GRB2: variants seen among roughly 807,000 people sequenced by gnomAD.
GRB2 encodes growth factor receptor-bound protein 2.
Under a neutral mutation model 27.4 loss-of-function variants are expected in GRB2, and 2 were observed. The observed-to-expected ratio is 0.07, with a 90% CI of 0.03 to 0.23. The LOEUF (loss-of-function observed/expected upper bound fraction) is 0.23. Among genes scored for constraint, GRB2 ranks in the 10% least tolerant of loss-of-function variants. GRB2 has a pLI of 1.00. For synonymous variants in GRB2, 94 were observed against 99.6 expected (o/e 0.94, Z 0.33); for missense variants, 102 against 282.4 (o/e 0.36, Z 4.58).
chr17:75,358,656 A>G, intron 2 of GRB2, among the ~76,000 whole-genome samples: 1 of 132,156 alleles, frequency 7.6e-6, no homozygotes, highest in Non-Finnish European at 1.6e-5. Context: ...CGAGGTCAGG[A>G]GATCAAGACC....
intron 2 of GRB2, among the ~76,000 whole-genome samples, chr17:75,350,578 G>A (rs191242098): frequency 3.3e-5 from 5 of 152,260 alleles, no homozygotes; most frequent in East Asian, 1.9e-4. Context: ...TGCAAGCTCC[G>A]CCTCCTGGGT....
At chr17:75,354,774 G>A (rs562140437) in intron 2 of GRB2, among the ~76,000 whole-genome samples, 7 of 152,224 alleles carry the variant, frequency 4.6e-5, no homozygotes, top group Admixed American at 2.0e-4. Context: ...AAGACACTAC[G>A]AAATGTTTTT....
intron 2 of GRB2, 135 bp downstream of exon 2, chr17:75,393,416 T>G (rs767535966): frequency 7.9e-6 from 6 of 759,854 alleles, no homozygotes; most frequent in Non-Finnish European, 1.4e-5. Flanking sequence ...TCTAAAGCTC[T>G]CCAGAACAAA....
Position 75,366,446 on chromosome 17 carries a change from G to C in GRB2, c.78+27105C>G, listed in dbSNP as rs574166982. On this transcript the variant is annotated intron_variant, in intron 2 of 5. Transcript: ENST00000316804. Reference sequence around the variant, plus strand: ...ACCTGTAATCCCAGCACTTTGGGAGGCTGGCACAGGCAATCATTTGAACCC... The same window carrying C: ...ACCTGTAATCCCAGCACTTTGGGAGCCTGGCACAGGCAATCATTTGAACCC... 2.7e-5 allele frequency among the ~76,000 whole-genome samples: 4 copies of C among 149,020 alleles called. No individual in the cohort carries two copies. The East Asian group carries it at 8.0e-4, about 30-fold the overall frequency.
At chr17:75,401,605 AGCTTACTGAC>A (rs962231567) in intron 1 of GRB2, among the ~76,000 whole-genome samples, 2 of 152,224 alleles carry the variant, frequency 1.3e-5, no homozygotes, top group African/African-American at 4.8e-5. Context: ...CAAACCAAAA[AGCTTACTGAC>A]GCTCTGGAGT....
At chr17:75,345,462 A>T (rs2145836174) in intron 2 of GRB2, among the ~76,000 whole-genome samples, 1 of 152,306 alleles carries the variant, frequency 6.6e-6, no homozygotes, top group East Asian at 1.9e-4. Context: ...TTATTGAAAG[A>T]AGAAAAAGCA....
intron 4 of GRB2, among the ~76,000 whole-genome samples, chr17:75,324,757 G>C (rs1349750143): frequency 1.3e-5 from 2 of 151,820 alleles, no homozygotes; most frequent in East Asian, 3.9e-4. Flanking sequence ...AAATGGAAAA[G>C]TCTCACGCTT....
intron 2 of GRB2, among the ~76,000 whole-genome samples, chr17:75,343,702 T>C (rs1243790183): frequency 1.3e-5 from 2 of 152,146 alleles, no homozygotes; most frequent in Non-Finnish European, 2.9e-5. Flanking sequence ...AAAATAAACT[T>C]CTACCAAAGG....
In GRB2 at chr17:75,324,165, C is replaced by T. The variant is rs527430978; in HGVS notation, c.299+1733G>A. 2.1e-4 allele frequency among the ~76,000 whole-genome samples: 31 copies of T among 150,726 alleles called. 1 individual carries two copies. The South Asian group carries it at 6.1e-3, about 30-fold the overall frequency. ...AAAAAAAATCTACATTTTAATCACA[C>T]ATTAAGTGGTTCTAAAACCAAATAA... is the stretch of plus-strand genomic sequence containing the variant. On this transcript the variant is annotated intron_variant, in intron 4 of 5. Coordinates refer to ENST00000316804, the MANE Select transcript of GRB2 (RefSeq NM_002086.5).
chr17:75,384,120 G>A (rs1240243356), intron 2 of GRB2, among the ~76,000 whole-genome samples: 1 of 152,054 alleles, frequency 6.6e-6, no homozygotes, highest in Non-Finnish European at 1.5e-5. Context: ...TAAAATTAAG[G>A]GAGTAGCTGC....
chr17:75,402,850 TG>T (rs763286641), intron 1 of GRB2, among the ~76,000 whole-genome samples: 1 of 151,548 alleles, frequency 6.6e-6, no homozygotes, highest in African/African-American at 2.4e-5. Flanking sequence ...CTGAGGTGAG[TG>T]GATCACCTGA....
At chr17:75,328,699 G>A (rs1183268849) in intron 3 of GRB2, among the ~76,000 whole-genome samples, 1 of 152,072 alleles carries the variant, frequency 6.6e-6, no homozygotes, top group Non-Finnish European at 1.5e-5. Context: ...AGCACTTTGG[G>A]AGGCCGAGGC....
chr17:75,348,570 G>A (rs1403948473), intron 2 of GRB2, among the ~76,000 whole-genome samples: 1 of 152,200 alleles, frequency 6.6e-6, no homozygotes. Flanking sequence ...GTGTTTATGA[G>A]CTAAGGGAGC....
At chr17:75,326,448 T>A (rs2078499393) in intron 3 of GRB2, 1 of 173,242 alleles carries the variant, frequency 5.8e-6, no homozygotes, top group African/African-American at 2.4e-5. Flanking sequence ...TTCACCACAG[T>A]GGGACTAAGG....
At chr17:75,384,433 C>T (rs764642198) in intron 2 of GRB2, among the ~76,000 whole-genome samples, 2 of 152,150 alleles carry the variant, frequency 1.3e-5, no homozygotes. Flanking sequence ...CTTTGGGAGG[C>T]CAAGGCGGGT....
At chr17:75,362,547 C>G (rs183485794) in intron 2 of GRB2, among the ~76,000 whole-genome samples, 1 of 152,182 alleles carries the variant, frequency 6.6e-6, no homozygotes, top group African/African-American at 2.4e-5. Flanking sequence ...GCAATAGATA[C>G]AAGGGCTTAA....
intron 2 of GRB2, among the ~76,000 whole-genome samples, chr17:75,356,132 C>T (rs940508277): frequency 2.0e-5 from 3 of 152,088 alleles, no homozygotes; most frequent in Non-Finnish European, 4.4e-5. Context: ...CCGCACCTGG[C>T]CCTATCTATC....
intron 2 of GRB2, among the ~76,000 whole-genome samples, chr17:75,349,012 T>C (rs1427538695): frequency 6.6e-6 from 1 of 152,132 alleles, no homozygotes; most frequent in Non-Finnish European, 1.5e-5. Context: ...ATGGCTGACA[T>C]GGAAAATTCA....
chr17:75,352,606 G>A (rs2078699553), intron 2 of GRB2, among the ~76,000 whole-genome samples: 1 of 152,170 alleles, frequency 6.6e-6, no homozygotes, highest in Admixed American at 6.6e-5. Context: ...ATGACAAGTA[G>A]TTTCCCAAAG....
Sources: allele counts gnomAD v4.1 joint callset (sites outside exome capture counted in the v4.1 genomes callset), GRCh38; gene constraint gnomAD v4.1.1; transcripts MANE v1.5; gene names NCBI Gene and HGNC (gene_info 2026-07-23, HGNC 2026-07-21).